Variants in RBFOX3 observed in about 807,000 individuals in gnomAD.
The protein encoded by RBFOX3 is RNA binding protein fox-1 homolog 3.
A neutral mutation model predicts 48.7 loss-of-function variants in RBFOX3; 17 were observed. That is an observed-to-expected ratio of 0.35 (90% CI 0.24 to 0.52). The LOEUF (loss-of-function observed/expected upper bound fraction) is 0.52, where lower values mean the gene tolerates loss of function less well. RBFOX3 is among the 20% of genes least tolerant of loss of function. RBFOX3 has a pLI of 0.94. For missense variants in RBFOX3, 382 were observed against 497.5 expected, an observed-to-expected ratio of 0.77 and a Z score of 2.21; for synonymous variants, 212 against 209.5, an observed-to-expected ratio of 1.01 and a Z score of -0.10.
Position 79,103,234 on chromosome 17 carries a change from A to G in RBFOX3, c.435T>C (p.Phe145=), listed in dbSNP as rs754135050. ...RGSKGFGFVT[F]ETSSDADRAR... ...CTCGGTCAGCATCTGAGCTAGTTTC[A>G]AAAGTTACAAACCCAAAACCCTGTG... Residue 145 remains phenylalanine, a synonymous_variant, in exon 8 of 15, where the codon TTT becomes TTC. Coordinates refer to ENST00000693108, the MANE Select transcript of RBFOX3 (RefSeq NM_001350451.2). This position sits in a 1 kb window ranked among gnomAD's most constrained non-coding sequence, Gnocchi z 6.1. The G allele has an allele frequency of 1.3e-6, 2 of 1,551,288 alleles. No homozygotes were observed. The highest frequency in any genetic ancestry group is 1.7e-6 in the Non-Finnish European group (2 of 1,146,870).
intron 3 of RBFOX3, among the ~76,000 whole-genome samples, chr17:79,280,901 C>T (rs184450154): frequency 4.0e-5 from 6 of 151,892 alleles, no homozygotes; most frequent in South Asian, 2.1e-4. Flanking sequence ...CCATCCATCA[C>T]GTATTACTTA....
chr17:79,487,993 G>A (rs1173660575), intron 1 of RBFOX3, among the ~76,000 whole-genome samples: 3 of 150,106 alleles, frequency 2.0e-5, no homozygotes, highest in Non-Finnish European at 3.0e-5. Context: ...TGCATCTGAC[G>A]ACGGGATGGT....
At chr17:79,469,511 T>G (rs1598834773) in intron 2 of RBFOX3, among the ~76,000 whole-genome samples, 1 of 152,208 alleles carries the variant, frequency 6.6e-6, no homozygotes, top group Non-Finnish European at 1.5e-5. Context: ...GTGCCGTCCC[T>G]GTCCCCTGTC....
chr17:79,519,841 C>T (rs2085799320), intron 1 of RBFOX3, among the ~76,000 whole-genome samples: 1 of 152,178 alleles, frequency 6.6e-6, no homozygotes, highest in African/African-American at 2.4e-5. Context: ...CCCATATGTG[C>T]TGTCCCGCAT....
rs1491356016 is a variant in RBFOX3, at chr17:79,477,275, AAG to A, written c.-175+5177_-175+5178del. 2.8e-5 allele frequency among the ~76,000 whole-genome samples: 4 copies of A among 143,916 alleles called. No individual in the cohort carries two copies. Among genetic ancestry groups the A allele is most frequent in the African/African-American group, 5.2e-5 (2 of 38,826 alleles). 94.4% of individuals were successfully genotyped at this position (143,916 alleles called of 152,430 possible). A position where few individuals can be genotyped will look rare whatever the true frequency, so the allele number is the denominator to read the frequency against. ...GATAAATTAAAAAAAAAAAAAAAAA[AAG>A]AGGGCGCGGTGGCTCACACCTGTAA... is the stretch of plus-strand genomic sequence containing the variant. On this transcript the variant is annotated intron_variant, in intron 2 of 14. Transcript: ENST00000693108. The surrounding 1 kb of genome is among the most constrained non-coding windows in gnomAD (Gnocchi z 4.8).
intron 4 of RBFOX3, among the ~76,000 whole-genome samples, chr17:79,206,168 A>T (rs1306812208): frequency 6.6e-6 from 1 of 152,156 alleles, no homozygotes; most frequent in African/African-American, 2.4e-5. Flanking sequence ...TTTCTGGAAC[A>T]TCCCCTTGAA....
At chr17:79,207,284 T>C (rs545816217) in intron 4 of RBFOX3, among the ~76,000 whole-genome samples, 1 of 152,360 alleles carries the variant, frequency 6.6e-6, no homozygotes, top group Admixed American at 6.5e-5. Flanking sequence ...AAACGCTCCT[T>C]TCCCATGTCA....
At chr17:79,229,344 G>A (rs1461102729) in intron 4 of RBFOX3, among the ~76,000 whole-genome samples, 1 of 150,592 alleles carries the variant, frequency 6.6e-6, no homozygotes, top group Admixed American at 6.6e-5. Flanking sequence ...ATCACTTGAG[G>A]TCAGGAGTTT....
chr17:79,129,731 C>T (rs1400722663), intron 4 of RBFOX3, among the ~76,000 whole-genome samples: 4 of 152,230 alleles, frequency 2.6e-5, no homozygotes, highest in South Asian at 2.1e-4. Flanking sequence ...CTGCTTGTGG[C>T]GTTTGCCAAT....
chr17:79,631,393 G>A, the RBFOX3 span, among the ~76,000 whole-genome samples: 1 of 152,074 alleles, frequency 6.6e-6, no homozygotes. Flanking sequence ...CGGTGCACGG[G>A]CCTATTTGGA....
intron 3 of RBFOX3, among the ~76,000 whole-genome samples, chr17:79,255,492 C>T (rs1473226843): frequency 1.3e-5 from 2 of 152,086 alleles, no homozygotes; most frequent in African/African-American, 4.8e-5. Flanking sequence ...CAAGGCTGTG[C>T]TTAGGAACAA....
intron 1 of RBFOX3, among the ~76,000 whole-genome samples, chr17:79,544,565 C>T (rs1165796308): frequency 4.6e-5 from 7 of 151,964 alleles, no homozygotes; most frequent in Admixed American, 4.6e-4. Context: ...TCGGAGTACC[C>T]CGACCCTCCA....
chr17:79,173,250 C>G (rs1180146569), intron 4 of RBFOX3, among the ~76,000 whole-genome samples: 1 of 119,558 alleles, frequency 8.4e-6, no homozygotes, highest in Admixed American at 7.9e-5. Context: ...GTACATACTA[C>G]TAGAAAATGT....
chr17:79,185,172 G>T (rs1436669257), intron 4 of RBFOX3, among the ~76,000 whole-genome samples: 1 of 152,240 alleles, frequency 6.6e-6, no homozygotes, highest in Non-Finnish European at 1.5e-5. Flanking sequence ...AAGGCTCAGG[G>T]GAGAGACGAG....
chr17:79,094,004 C>A (rs865841796), intron 14 of RBFOX3, among the ~76,000 whole-genome samples: 1 of 152,076 alleles, frequency 6.6e-6, no homozygotes, highest in Admixed American at 6.5e-5. Context: ...GGATGCGATG[C>A]GAGGGGGCTG....
chr17:79,463,035 CCAT>C (rs34265169), intron 2 of RBFOX3, among the ~76,000 whole-genome samples: 50,084 of 144,256 alleles, frequency 0.35, 9,102 homozygotes, highest in Admixed American at 0.43. Context: ...ACCTCCACCA[CCAT>C]CGCCACTGCC....
chr17:79,598,544 A>C (rs2093628063), intron 1 of RBFOX3: 1 of 152,138 alleles, frequency 6.6e-6, no homozygotes, highest in South Asian at 2.1e-4. Flanking sequence ...TTGGAAAATC[A>C]CATCCCATGG....
At chr17:79,149,672 T>C (rs1345330322) in intron 4 of RBFOX3, among the ~76,000 whole-genome samples, 1 of 151,676 alleles carries the variant, frequency 6.6e-6, no homozygotes, top group African/African-American at 2.4e-5. Flanking sequence ...GCCTAGGGGC[T>C]CATGCCCGCC....
chr17:79,112,294 A>G (rs1284984114), intron 5 of RBFOX3, among the ~76,000 whole-genome samples: 2 of 152,198 alleles, frequency 1.3e-5, no homozygotes, highest in Non-Finnish European at 2.9e-5. Flanking sequence ...TTCTCTCTGC[A>G]GGGTCAGCTG....
Sources: gnomAD v4.1 joint callset for allele counts (sites outside exome capture counted in the v4.1 genomes callset) on GRCh38, gnomAD v4.1.1 for gene constraint, Gnocchi (gnomAD v3.1) non-coding constraint, MANE v1.5 for transcripts, NCBI Gene and HGNC (gene_info 2026-07-23, HGNC 2026-07-21) for gene names.